The following EPG5 variants were observed in gnomAD, a reference collection of about 807,000 sequenced individuals.
EPG5 encodes the protein ectopic P granules protein 5 homolog.
EPG5 carries 159 observed loss-of-function variants against 302.7 expected under a neutral mutation model. That is an observed-to-expected ratio of 0.53 (90% CI 0.46 to 0.60). The LOEUF is 0.60. Among genes scored for constraint, EPG5 ranks in the 20% least tolerant of loss-of-function variants. EPG5 has a pLI of 0.00. For missense variants in EPG5, 2,896 were observed against 3,092.4 expected (o/e 0.94, Z 1.51); for synonymous variants, 1,158 against 1,136.8 (o/e 1.02, Z -0.37).
At position 45,849,928 on chromosome 18, in the gene EPG5, G is replaced by A. The variant is rs553659778; in HGVS notation, c.*2539C>T. Reference sequence around the variant, plus strand: ...GGACCTCCCTCCCTCTATGTCTGGTGTGTTCCAGCATTCTGCCCTTCACTT... The same window carrying A: ...GGACCTCCCTCCCTCTATGTCTGGTATGTTCCAGCATTCTGCCCTTCACTT... On this transcript the variant is annotated 3_prime_UTR_variant, in exon 44 of 44. Coordinates refer to ENST00000282041, the MANE Select transcript of EPG5 (RefSeq NM_020964.3). 6.6e-6 allele frequency: 1 copy of A among 152,358 alleles called. No individual in the cohort carries two copies. Among genetic ancestry groups the A allele is most frequent in the African/African-American group, 2.4e-5 (1 of 41,576 alleles). 9.4% of individuals were successfully genotyped at this position (152,358 alleles called of 1,614,324 possible).
At chr18:45,913,564 TTTTAAGTA>T (rs1450077855) in intron 21 of EPG5, 134 bp downstream of exon 21, 1 of 1,001,800 alleles carries the variant, frequency 1.0e-6, no homozygotes, top group African/African-American at 1.6e-5. Flanking sequence ...AATTACACAG[TTTTAAGTA>T]TTGGTTTGGT....
chr18:45,916,869 C>T (rs1776449902), intron 17 of EPG5: 1 of 210,110 alleles, frequency 4.8e-6, no homozygotes, highest in South Asian at 9.8e-5. Flanking sequence ...CCCCTCCTCA[C>T]TCCCCAACTC....
At chr18:45,853,783 A>G (rs1016372503) in intron 43 of EPG5, among the ~76,000 whole-genome samples, 1 of 152,214 alleles carries the variant, frequency 6.6e-6, no homozygotes, top group Non-Finnish European at 1.5e-5. Context: ...GAGCTATGTA[A>G]ACAGAGTTCA....
chr18:45,863,574 A>G (rs979102590), intron 39 of EPG5, among the ~76,000 whole-genome samples: 1 of 152,180 alleles, frequency 6.6e-6, no homozygotes, highest in Non-Finnish European at 1.5e-5. Flanking sequence ...TATTTTCTTT[A>G]GTGACACCTA....
the EPG5 span, among the ~76,000 whole-genome samples, chr18:45,836,836 T>C: frequency 6.6e-6 from 1 of 152,178 alleles, no homozygotes; most frequent in African/African-American, 2.4e-5. Flanking sequence ...TTCCTCTCTG[T>C]AAGTGGAAGT....
At chr18:45,907,862 C>G in intron 24 of EPG5, 96 bp downstream of exon 24, 2 of 1,228,424 alleles carry the variant, frequency 1.6e-6, no homozygotes, top group Non-Finnish European at 2.2e-6. Context: ...TACCCATTTT[C>G]TTATCAATAA....
At chr18:45,900,577 T>C (rs979891148) in intron 26 of EPG5, among the ~76,000 whole-genome samples, 1 of 152,166 alleles carries the variant, frequency 6.6e-6, no homozygotes, top group Non-Finnish European at 1.5e-5. Context: ...CTCAAAACAA[T>C]GACTTTTCCA....
intron 22 of EPG5, among the ~76,000 whole-genome samples, chr18:45,911,077 A>ATCTATC (rs1191238000): frequency 9.7e-6 from 1 of 102,988 alleles, no homozygotes; most frequent in African/African-American, 3.4e-5. Context: ...CTATCTATCT[A>ATCTATC]TACACACACA....
chr18:45,890,940 A>G (rs1199611390), intron 27 of EPG5, among the ~76,000 whole-genome samples: 1 of 152,130 alleles, frequency 6.6e-6, no homozygotes, highest in Non-Finnish European at 1.5e-5. Context: ...GTCTGGACTT[A>G]CAGGTACAGC....
chr18:45,867,543 C>T lies in EPG5; in HGVS notation c.6411+20G>A. The T allele has an allele frequency of 6.2e-7, 1 of 1,608,816 alleles. No individual in the cohort carries two copies. The highest frequency in any genetic ancestry group is 1.1e-5 in the South Asian group (1 of 90,704). ...CTAAGCAGCCTTGCCGAATTTTTGCCATAAGCTTCCCAAACTTACTGTTTG... is the reference window on the plus strand; with the variant it reads ...CTAAGCAGCCTTGCCGAATTTTTGCTATAAGCTTCCCAAACTTACTGTTTG... On this transcript the variant is annotated intron_variant, in intron 37 of 43. Transcript: ENST00000282041.
chr18:45,958,605 C>T (rs1599656835), intron 1 of EPG5, among the ~76,000 whole-genome samples: 1 of 152,214 alleles, frequency 6.6e-6, no homozygotes, highest in Middle Eastern at 3.4e-3. Context: ...ACTGGATATC[C>T]TCATATGAAA....
At chr18:45,825,885 C>G in the EPG5 span, 3 of 1,387,790 alleles carry the variant, frequency 2.2e-6, no homozygotes, top group Non-Finnish European at 3.0e-6. Flanking sequence ...TGTGCAGAGC[C>G]TCCAGGCCTG....
chr18:45,826,023 A>T, the EPG5 span, among the ~76,000 whole-genome samples: 1 of 152,286 alleles, frequency 6.6e-6, no homozygotes, highest in Admixed American at 6.5e-5. Flanking sequence ...GTGGCTGCCT[A>T]TATAAAGGCT....
the EPG5 span, among the ~76,000 whole-genome samples, chr18:45,823,892 C>T: frequency 1.6e-4 from 24 of 152,356 alleles, no homozygotes; most frequent in African/African-American, 4.6e-4. Flanking sequence ...TGCCAAGTGG[C>T]GCTCTAGGTG....
At chr18:45,808,856 A>G in the EPG5 span, among the ~76,000 whole-genome samples, 1 of 152,338 alleles carries the variant, frequency 6.6e-6, no homozygotes, top group South Asian at 2.1e-4. Flanking sequence ...ACAGGCAACA[A>G]ATAGCCGATG....
chr18:45,828,958 A>T, the EPG5 span: 2 of 301,682 alleles, frequency 6.6e-6, no homozygotes, highest in Non-Finnish European at 9.8e-6. Context: ...GAGCCAGGGC[A>T]CTTCTCTCCC....
intron 27 of EPG5, among the ~76,000 whole-genome samples, chr18:45,897,089 T>A (rs1726226980): frequency 6.6e-6 from 1 of 152,234 alleles, no homozygotes; most frequent in East Asian, 1.9e-4. Context: ...TGATCCCTTT[T>A]TCTGTAAAGG....
At chr18:45,880,054 C>T in intron 32 of EPG5, 21 bp downstream of exon 32, 1 of 1,528,348 alleles carries the variant, frequency 6.5e-7, no homozygotes. Context: ...ACAAACACGT[C>T]AGAGACCAAA....
At chr18:45,918,804 TAAAGA>T (rs2050088029) in intron 16 of EPG5, among the ~76,000 whole-genome samples, 1 of 152,114 alleles carries the variant, frequency 6.6e-6, no homozygotes, top group African/African-American at 2.4e-5. Context: ...TAACTACTAG[TAAAGA>T]AAAGTTATTT....
Sources: allele counts gnomAD v4.1 joint callset (sites outside exome capture counted in the v4.1 genomes callset), GRCh38; gene constraint gnomAD v4.1.1; transcripts MANE v1.5; gene names NCBI Gene and HGNC (gene_info 2026-07-23, HGNC 2026-07-21).